LYPD6B: variants seen among roughly 807,000 people sequenced by gnomAD.
LYPD6B encodes the protein ly6/PLAUR domain-containing protein 6B.
In LYPD6B, 17 loss-of-function variants were observed where a neutral mutation model predicts 22.8. That is an observed-to-expected ratio of 0.75 (90% CI 0.51 to 1.12). The LOEUF is 1.12. LYPD6B is among the 50% of genes most tolerant of loss of function. LYPD6B has a pLI of 0.00. For synonymous variants in LYPD6B, 106 were observed against 91.6 expected (o/e 1.16, Z -0.90); for missense variants, 221 against 258.3 (o/e 0.86, Z 0.99).
intron 1 of LYPD6B, among the ~76,000 whole-genome samples, chr2:149,093,980 C>A (rs1685787922): frequency 6.6e-6 from 1 of 151,982 alleles, no homozygotes; most frequent in Admixed American, 6.6e-5. Flanking sequence ...CTTGACTTTT[C>A]TTTTTTGGTT....
chr2:149,103,776 T>A (rs1449328729), intron 1 of LYPD6B, among the ~76,000 whole-genome samples: 3 of 139,850 alleles, frequency 2.1e-5, no homozygotes, highest in Non-Finnish European at 4.6e-5. Flanking sequence ...CATATCTTTT[T>A]TTTTTTTTTT....
intron 1 of LYPD6B, among the ~76,000 whole-genome samples, chr2:149,050,308 T>C (rs1320078623): frequency 6.6e-6 from 1 of 152,094 alleles, no homozygotes; most frequent in African/African-American, 2.4e-5. Flanking sequence ...GAAATGTAAT[T>C]CTCAAAGTAT....
chr2:149,173,349 C>CTTTTTT lies in LYPD6B; in HGVS notation c.77+12529_77+12534dup, dbSNP rs67113716. 3.5e-3 allele frequency among the ~76,000 whole-genome samples: 205 copies of CTTTTTT among 58,484 alleles called. 13 individuals carry two copies. Among genetic ancestry groups the CTTTTTT allele is most frequent in the Non-Finnish European group, 3.9e-3 (135 of 34,438 alleles). 38.4% of individuals were successfully genotyped at this position (58,484 alleles called of 152,430 possible). ...AGCTTGATGCTTTAGTCTGTCAGGC[C>CTTTTTT]TTTTTTTTTTTTTTTTTTTTGCATC... is the stretch of plus-strand genomic sequence containing the variant. On this transcript the variant is annotated intron_variant, in intron 3 of 6. Transcript: ENST00000409642.
chr2:149,123,924 T>C (rs577656975), intron 1 of LYPD6B, among the ~76,000 whole-genome samples: 1 of 152,322 alleles, frequency 6.6e-6, no homozygotes, highest in Admixed American at 6.5e-5. Context: ...ACCGCAAGAA[T>C]TCGTGAAGTT....
At chr2:149,163,847 G>A (rs1690249905) in intron 3 of LYPD6B, among the ~76,000 whole-genome samples, 1 of 152,126 alleles carries the variant, frequency 6.6e-6, no homozygotes, top group African/African-American at 2.4e-5. Flanking sequence ...GAAATAAACT[G>A]ACAACAGGCA....
chr2:149,133,605 C>T (rs953574777), intron 2 of LYPD6B, among the ~76,000 whole-genome samples: 3 of 152,198 alleles, frequency 2.0e-5, no homozygotes, highest in African/African-American at 7.2e-5. Flanking sequence ...ATTCACATGT[C>T]GGCTTGTAAG....
chr2:149,069,083 CTTTT>C (rs1298286993), intron 1 of LYPD6B, among the ~76,000 whole-genome samples: 1 of 141,244 alleles, frequency 7.1e-6, no homozygotes, highest in African/African-American at 2.6e-5. Flanking sequence ...ATTATGTAGA[CTTTT>C]TTTTTTTTTT....
intron 1 of LYPD6B, among the ~76,000 whole-genome samples, chr2:149,075,063 CAT>C (rs1684819522): frequency 6.6e-6 from 1 of 152,150 alleles, no homozygotes; most frequent in Admixed American, 6.5e-5. Context: ...TTTCATAAAA[CAT>C]GGTGAGCCAA....
At chr2:149,186,145 G>A (rs550271630) in intron 3 of LYPD6B, among the ~76,000 whole-genome samples, 20 of 152,358 alleles carry the variant, frequency 1.3e-4, no homozygotes, top group Middle Eastern at 3.4e-3. Context: ...TGAGGAAGGC[G>A]TGTCAAAAGC....
chr2:149,199,339 A>C (rs1162570704), intron 3 of LYPD6B, among the ~76,000 whole-genome samples: 1 of 152,164 alleles, frequency 6.6e-6, no homozygotes, highest in Non-Finnish European at 1.5e-5. Context: ...TCTGAACCTA[A>C]AGCTCATTGT....
At chr2:149,050,975 A>G (rs1463553720) in intron 1 of LYPD6B, among the ~76,000 whole-genome samples, 1 of 151,896 alleles carries the variant, frequency 6.6e-6, no homozygotes, top group African/African-American at 2.4e-5. Flanking sequence ...ATATTTTCCT[A>G]CCACACAGAA....
chr2:149,199,387 C>T (rs536482300), intron 3 of LYPD6B, among the ~76,000 whole-genome samples: 6 of 152,174 alleles, frequency 3.9e-5, no homozygotes, highest in Non-Finnish European at 7.3e-5. Context: ...TAATTCTTGT[C>T]AGTCACATCT....
chr2:149,153,548 G>C (rs975972291), intron 2 of LYPD6B, among the ~76,000 whole-genome samples: 1 of 152,070 alleles, frequency 6.6e-6, no homozygotes, highest in Non-Finnish European at 1.5e-5. Context: ...AGGCCGAGGC[G>C]GGCGAATCAC....
At chr2:149,172,736 A>G (rs180946528) in intron 3 of LYPD6B, among the ~76,000 whole-genome samples, 4 of 152,234 alleles carry the variant, frequency 2.6e-5, no homozygotes, top group African/African-American at 9.6e-5. Flanking sequence ...GGTACTGTCC[A>G]ATCCATTAAG....
At chr2:149,089,978 C>T (rs1447403115) in intron 1 of LYPD6B, among the ~76,000 whole-genome samples, 1 of 152,156 alleles carries the variant, frequency 6.6e-6, no homozygotes, top group Non-Finnish European at 1.5e-5. Flanking sequence ...TCTTACCTCA[C>T]GTTCTTCCTC....
intron 1 of LYPD6B, among the ~76,000 whole-genome samples, chr2:149,104,162 A>G (rs1686354559): frequency 6.6e-6 from 1 of 152,084 alleles, no homozygotes; most frequent in Non-Finnish European, 1.5e-5. Flanking sequence ...CTGTTGATGG[A>G]CATTTGGGTT....
At chr2:149,105,179 C>T (rs1686413782) in intron 1 of LYPD6B, among the ~76,000 whole-genome samples, 1 of 152,116 alleles carries the variant, frequency 6.6e-6, no homozygotes, top group Non-Finnish European at 1.5e-5. Flanking sequence ...TAATATATGT[C>T]TATTTCTTGA....
intron 1 of LYPD6B, among the ~76,000 whole-genome samples, chr2:149,128,031 A>G (rs947840552): frequency 6.6e-6 from 1 of 152,104 alleles, no homozygotes; most frequent in African/African-American, 2.4e-5. Context: ...TAGACCCCAT[A>G]TTTGGTTATT....
At chr2:149,189,104 GC>G (rs1559065982) in intron 3 of LYPD6B, among the ~76,000 whole-genome samples, 1 of 151,828 alleles carries the variant, frequency 6.6e-6, no homozygotes, top group Non-Finnish European at 1.5e-5. Context: ...GTGGATGGTA[GC>G]CCCCTCTTCC....
Sources: allele counts gnomAD v4.1 joint callset (sites outside exome capture counted in the v4.1 genomes callset), GRCh38; gene constraint gnomAD v4.1.1; transcripts MANE v1.5; gene names NCBI Gene and HGNC (gene_info 2026-07-23, HGNC 2026-07-21).